Variants in IFFO2 observed in about 807,000 individuals in gnomAD.
The protein encoded by IFFO2 is intermediate filament family orphan 2.
In IFFO2, 19 loss-of-function variants were observed where a neutral mutation model predicts 53.5. The ratio of observed to expected loss-of-function variants is 0.36; its 90% CI spans 0.25 to 0.52. The LOEUF is 0.52. Among genes scored for constraint, IFFO2 ranks in the 20% least tolerant of loss-of-function variants. The pLI is 0.94. For missense variants in IFFO2, 570 were observed against 727.4 expected (o/e 0.78, Z 2.49); for synonymous variants, 303 against 313.6 (o/e 0.97, Z 0.36).
rs1470838781 is a variant in IFFO2 at position 18,906,153 on chromosome 1, T to G, written c.*2408A>C. 2 of 151,956 alleles carry G rather than the reference T, an allele frequency of 1.3e-5. No individual in the cohort carries two copies. Among genetic ancestry groups the G allele is most frequent in the Non-Finnish European group, 2.9e-5 (2 of 68,032 alleles). The allele number at this position is 151,956 out of a possible 1,614,324, so 9.4% of individuals were successfully genotyped here. ...CCCTCTCCTACCCACCTGCCCCAAGTCCTCACTCCCAAGAGGAGAGCAGAT... is the reference window on the plus strand; with the variant it reads ...CCCTCTCCTACCCACCTGCCCCAAGGCCTCACTCCCAAGAGGAGAGCAGAT... On this transcript the variant is annotated 3_prime_UTR_variant, in exon 9 of 9. Transcript: ENST00000455833.
At chr1:18,948,215 GT>G (rs1395488812) in intron 1 of IFFO2, among the ~76,000 whole-genome samples, 1 of 152,242 alleles carries the variant, frequency 6.6e-6, no homozygotes, top group Admixed American at 6.5e-5. Flanking sequence ...CTACTGCACT[GT>G]TTTAATTGAC....
At chr1:18,944,063 T>G (rs528303060) in intron 1 of IFFO2, among the ~76,000 whole-genome samples, 1 of 152,352 alleles carries the variant, frequency 6.6e-6, no homozygotes, top group Admixed American at 6.5e-5. Flanking sequence ...TGAAAATACC[T>G]GGGTTCCGGC....
rs1294141018 is a variant in IFFO2, at chr1:18,936,541, C to G, written c.666-15420G>C. Among the ~76,000 whole-genome samples the G allele has an allele frequency of 1.3e-5, 2 of 152,140 alleles. No homozygotes were observed. Among genetic ancestry groups the G allele is most frequent in the African/African-American group, 2.4e-5 (1 of 41,422 alleles). On this transcript the variant is annotated intron_variant, in intron 1 of 8. Transcript: ENST00000455833. The surrounding 1 kb of genome is among the most constrained non-coding windows in gnomAD (Gnocchi z 4.5). ...CAGGAGAGTGTGGGGGCCCCCAGGC[C>G]CAGGGTTATGTTTACAGCTTTGAGA...
intron 7 of IFFO2, among the ~76,000 whole-genome samples, chr1:18,910,928 C>A (rs1936026026): frequency 6.6e-6 from 1 of 152,260 alleles, no homozygotes; most frequent in Non-Finnish European, 1.5e-5. Flanking sequence ...TGCACAGCCT[C>A]TGGAGCCAGA....
chr1:18,911,533 T>TTATA lies in IFFO2; in HGVS notation c.1225-58_1225-57insTATA, dbSNP rs1280092229. On this transcript the variant is annotated intron_variant, in intron 6 of 8. Transcript: ENST00000455833. ...TTTATTTATTTATTTATTTATTTAT[T>TTATA]TATTTATTTATTTATTTATTCTTGA... The TTATA allele has an allele frequency of 1.2e-5, 9 of 730,124 alleles. No individual in the cohort carries two copies. The African/African-American group carries it at 1.5e-4, about 12-fold the overall frequency. 45.2% of individuals were successfully genotyped at this position (730,124 alleles called of 1,614,324 possible).
chr1:18,917,005 T>TCGGAAG lies in IFFO2; in HGVS notation c.995_1000dup (p.Ala332_Ser333dup), dbSNP rs1441638233. On this transcript the variant is annotated inframe_insertion, in exon 5 of 9. Transcript: ENST00000455833. This position sits in a 1 kb window ranked among gnomAD's most constrained non-coding sequence, Gnocchi z 5.9. Reference sequence around the variant, plus strand: ...CCCGTCCTGCTCAGAGATGTCATCATCGGAAGCCACCTTACGCTCTTTCTT... The same window carrying TCGGAAG: ...CCCGTCCTGCTCAGAGATGTCATCATCGGAAGCGGAAGCCACCTTACGCTCTTTCTT... 1 of 1,552,202 alleles carries TCGGAAG rather than the reference T, an allele frequency of 6.4e-7. No individual in the cohort carries two copies. The highest frequency in any genetic ancestry group is 2.0e-5 in the Admixed American group (1 of 51,012).
chr1:18,910,302 G>C (rs1936015766), intron 8 of IFFO2, 40 bp downstream of exon 8: 3 of 1,568,174 alleles, frequency 1.9e-6, no homozygotes, highest in Non-Finnish European at 2.6e-6. Flanking sequence ...TCCCCTCCAA[G>C]GATGCCATAG....
At position 18,947,069 on chromosome 1, in the gene IFFO2, C is replaced by T. The variant is rs1318694503; in HGVS notation, c.665+8599G>A. 2.0e-5 allele frequency among the ~76,000 whole-genome samples: 3 copies of T among 152,050 alleles called. No homozygotes were observed. Among genetic ancestry groups the T allele is most frequent in the South Asian group, 2.1e-4 (1 of 4,822 alleles). ...TTCTCGAGGGCAGGGGCCTGGCCCA[C>T]GGTGGGTACTCAGCCACTGTTCTGA... On this transcript the variant is annotated intron_variant, in intron 1 of 8. Coordinates refer to ENST00000455833, the MANE Select transcript of IFFO2 (RefSeq NM_001136265.2). This position sits in a 1 kb window ranked among gnomAD's most constrained non-coding sequence, Gnocchi z 5.0.
chr1:18,941,273 C>A (rs1936517030), intron 1 of IFFO2, among the ~76,000 whole-genome samples: 1 of 152,224 alleles, frequency 6.6e-6, no homozygotes, highest in African/African-American at 2.4e-5. Context: ...CTTGGAGGGG[C>A]TGAGCGCAAG....
chr1:18,914,284 A>T (rs1355938857), intron 5 of IFFO2, among the ~76,000 whole-genome samples: 5 of 152,104 alleles, frequency 3.3e-5, no homozygotes, highest in African/African-American at 1.2e-4. Context: ...GCCTTTGCCC[A>T]TGGGGCCCCC....
At chr1:18,924,832 G>A (rs1007122161) in intron 1 of IFFO2, among the ~76,000 whole-genome samples, 2 of 152,222 alleles carry the variant, frequency 1.3e-5, no homozygotes, top group Non-Finnish European at 2.9e-5. Context: ...TGACAGGCCT[G>A]CCACTGGCAG....
chr1:18,939,658 T>C (rs1201959765), intron 1 of IFFO2, among the ~76,000 whole-genome samples: 1 of 152,112 alleles, frequency 6.6e-6, no homozygotes, highest in Non-Finnish European at 1.5e-5. Context: ...TCTCAGGAAG[T>C]GGAGAAAAGG....
rs367673277 is a variant in IFFO2 at position 18,919,643 on chromosome 1, G to A, written c.822+35C>T. The A allele has an allele frequency of 2.2e-5, 30 of 1,392,742 alleles. No homozygotes were observed. The African/African-American group carries it at 3.9e-4, about 18-fold the overall frequency. The allele number at this position is 1,392,742 out of a possible 1,614,324, so 86.3% of individuals were successfully genotyped here. ...CATTTTGCATGATGGGTGTGGGGGA[G>A]GTCATGACACCCAGGGGCGGCGGGC... On this transcript the variant is annotated intron_variant, in intron 3 of 8. Coordinates refer to ENST00000455833, the MANE Select transcript of IFFO2 (RefSeq NM_001136265.2). This position sits in a 1 kb window ranked among gnomAD's most constrained non-coding sequence, Gnocchi z 4.9.
chr1:18,944,560 C>T (rs945718625), intron 1 of IFFO2, among the ~76,000 whole-genome samples: 5 of 152,118 alleles, frequency 3.3e-5, no homozygotes, highest in African/African-American at 1.2e-4. Flanking sequence ...TCCCTTGCCC[C>T]CCACCATGAT....
chr1:18,937,323 C>A (rs1261062048), intron 1 of IFFO2, among the ~76,000 whole-genome samples: 1 of 152,212 alleles, frequency 6.6e-6, no homozygotes, highest in Admixed American at 6.5e-5. Context: ...GCAGCTGAGG[C>A]AGGTAATTAG....
At chr1:18,910,056 C>G (rs1028739419) in intron 8 of IFFO2, among the ~76,000 whole-genome samples, 3 of 152,222 alleles carry the variant, frequency 2.0e-5, no homozygotes, top group African/African-American at 7.2e-5. Flanking sequence ...GCTATACTTA[C>G]TGGCCCCACC....
chr1:18,909,951 G>C (rs1297785218), intron 8 of IFFO2, among the ~76,000 whole-genome samples: 1 of 152,128 alleles, frequency 6.6e-6, no homozygotes, highest in African/African-American at 2.4e-5. Context: ...GGAAAGGAAG[G>C]GAAATCACTT....
At chr1:18,908,765 C>A in intron 8 of IFFO2, 99 bp from the exon 9 acceptor site, 1 of 830,804 alleles carries the variant, frequency 1.2e-6, no homozygotes, top group South Asian at 1.5e-5. Context: ...ATAAGATCTA[C>A]TCTCAGAGGG....
Position 18,947,555 on chromosome 1 carries a change from C to T in IFFO2, c.665+8113G>A, listed in dbSNP as rs1936606281. On this transcript the variant is annotated intron_variant, in intron 1 of 8. Coordinates refer to ENST00000455833, the MANE Select transcript of IFFO2 (RefSeq NM_001136265.2). The surrounding 1 kb of genome is among the most constrained non-coding windows in gnomAD (Gnocchi z 5.0). ...CAAGTTACTTCTCCTCTCTGAGCCT[C>T]GGTTTCCATCCTGCAGTGCCACCAC... Among the ~76,000 whole-genome samples, 1 of 152,174 alleles carries T rather than the reference C, an allele frequency of 6.6e-6. No individual in the cohort carries two copies. Among genetic ancestry groups the T allele is most frequent in the Non-Finnish European group, 1.5e-5 (1 of 68,036 alleles).
Sources: gnomAD v4.1 joint callset for allele counts (sites outside exome capture counted in the v4.1 genomes callset) on GRCh38, gnomAD v4.1.1 for gene constraint, Gnocchi (gnomAD v3.1) non-coding constraint, MANE v1.5 for transcripts, NCBI Gene and HGNC (gene_info 2026-07-23, HGNC 2026-07-21) for gene names.